The following CLDN16 variants were observed in gnomAD, a reference collection of about 807,000 sequenced individuals.
CLDN16 encodes the protein claudin-16.
Under a neutral mutation model 24.6 loss-of-function variants are expected in CLDN16, and 13 were observed. The ratio of observed to expected loss-of-function variants is 0.53; its 90% CI spans 0.34 to 0.84. The LOEUF is 0.84. Ranked by LOEUF, CLDN16 falls within the 40% of genes least tolerant of loss-of-function variation. The pLI, the probability that CLDN16 is intolerant of heterozygous loss-of-function variation, is 0.01. For missense variants in CLDN16, 298 were observed against 292.7 expected (o/e 1.02, Z -0.13); for synonymous variants, 116 against 106.7 (o/e 1.09, Z -0.54).
intron 3 of CLDN16, among the ~76,000 whole-genome samples, chr3:190,380,920 G>A (rs1718357742): frequency 6.6e-6 from 1 of 152,090 alleles, no homozygotes; most frequent in South Asian, 2.1e-4. Flanking sequence ...CTGATGCAAG[G>A]CAGGGTTCCC....
chr3:190,358,200 T>A (rs910603436), intron 1 of CLDN16, among the ~76,000 whole-genome samples: 1 of 151,770 alleles, frequency 6.6e-6, no homozygotes, highest in Non-Finnish European at 1.5e-5. Context: ...GGAGAAATGC[T>A]TTTTTTTCTT....
the CLDN16 span, among the ~76,000 whole-genome samples, chr3:190,299,539 AT>A: frequency 2.0e-5 from 3 of 149,360 alleles, no homozygotes; most frequent in Non-Finnish European, 4.5e-5. Context: ...ATTCTTCTGT[AT>A]TTTTTCTGAA....
the CLDN16 span, among the ~76,000 whole-genome samples, chr3:190,290,750 G>A: frequency 8.5e-5 from 13 of 152,300 alleles, no homozygotes; most frequent in Middle Eastern, 3.4e-3. Context: ...TTAGGGATAT[G>A]TGAAAGAAAA....
At chr3:190,291,033 A>C in the CLDN16 span, among the ~76,000 whole-genome samples, 1 of 152,134 alleles carries the variant, frequency 6.6e-6, no homozygotes, top group African/African-American at 2.4e-5. Context: ...GGTCTTGGGA[A>C]GCTTCTTGGA....
chr3:190,389,143 A>G (rs1718585179), intron 1 of CLDN16, among the ~76,000 whole-genome samples: 1 of 152,194 alleles, frequency 6.6e-6, no homozygotes, highest in Non-Finnish European at 1.5e-5. Flanking sequence ...AGAAGCTCAG[A>G]AAGAAGTAAT....
At chr3:190,393,506 TA>T (rs1277080591) in intron 1 of CLDN16, among the ~76,000 whole-genome samples, 2 of 152,194 alleles carry the variant, frequency 1.3e-5, no homozygotes, top group African/African-American at 2.4e-5. Context: ...TTGTGAGAAT[TA>T]AATGAGCTTG....
intron 1 of CLDN16, among the ~76,000 whole-genome samples, chr3:190,369,270 C>T (rs1006108258): frequency 3.3e-5 from 5 of 151,872 alleles, no homozygotes; most frequent in African/African-American, 7.2e-5. Flanking sequence ...TTTCACTGGC[C>T]CATTGTACCC....
intron 1 of CLDN16, among the ~76,000 whole-genome samples, chr3:190,395,583 T>G (rs1718797973): frequency 6.6e-6 from 1 of 152,062 alleles, no homozygotes; most frequent in Admixed American, 6.6e-5. Flanking sequence ...TATTAAAACT[T>G]TTGCGTCTTA....
At chr3:190,292,930 C>T in the CLDN16 span, among the ~76,000 whole-genome samples, 1 of 152,184 alleles carries the variant, frequency 6.6e-6, no homozygotes, top group Admixed American at 6.5e-5. Context: ...CTTCTGAGGC[C>T]TCCAAACTGT....
At chr3:190,373,054 C>T (rs1718175678) in intron 2 of CLDN16, among the ~76,000 whole-genome samples, 1 of 152,006 alleles carries the variant, frequency 6.6e-6, no homozygotes, top group Non-Finnish European at 1.5e-5. Flanking sequence ...CAGTCCCTGA[C>T]ATAGCCTACC....
intron 3 of CLDN16, among the ~76,000 whole-genome samples, chr3:190,377,541 T>G (rs2108651015): frequency 6.6e-6 from 1 of 152,136 alleles, no homozygotes; most frequent in East Asian, 1.9e-4. Flanking sequence ...TATTTTGAGA[T>G]TCTCTGTTTA....
At chr3:190,300,095 C>G in the CLDN16 span, among the ~76,000 whole-genome samples, 1 of 152,218 alleles carries the variant, frequency 6.6e-6, no homozygotes, top group African/African-American at 2.4e-5. Context: ...TCTGTACTTT[C>G]ATGTGACATT....
At chr3:190,313,109 A>G in the CLDN16 span, 3 of 1,546,928 alleles carry the variant, frequency 1.9e-6, no homozygotes, top group Non-Finnish European at 2.7e-6. Flanking sequence ...AAGACCAAGT[A>G]TATGTCACTG....
chr3:190,363,554 GTGTA>G lies in CLDN16; in HGVS notation n.122-7337_122-7334del, dbSNP rs1383626918. ...CCAGTTGCTGTGCGTGTGTGTGTGT[GTGTA>G]TATATATATATATATATATATATAT... On this transcript the variant is annotated intron_variant and non_coding_transcript_variant, in intron 1 of 4. Coordinates refer to the CLDN16 transcript ENST00000468220. Among the ~76,000 whole-genome samples, 498 of 81,348 alleles carry G rather than the reference GTGTA, an allele frequency of 6.1e-3. 23 individuals are homozygous for G. The highest frequency in any genetic ancestry group is 9.6e-3 in the Admixed American group (60 of 6,234). The allele number at this position is 81,348 out of a possible 152,430, so 53.4% of individuals were successfully genotyped here. A position where few individuals can be genotyped will look rare whatever the true frequency, so the allele number is the denominator to read the frequency against.
chr3:190,350,638 A>G (rs1233341205), intron 1 of CLDN16, among the ~76,000 whole-genome samples: 3 of 152,250 alleles, frequency 2.0e-5, no homozygotes, highest in East Asian at 3.9e-4. Flanking sequence ...AGCCATGAGA[A>G]TGCACCTTCC....
upstream of CLDN16, among the ~76,000 whole-genome samples, chr3:190,318,269 A>T (rs571609515): frequency 5.9e-5 from 9 of 152,332 alleles, no homozygotes; most frequent in South Asian, 1.9e-3. Context: ...TGTTTCTTCA[A>T]GAAATTTTCT....
the CLDN16 span, among the ~76,000 whole-genome samples, chr3:190,296,462 C>T: frequency 6.6e-6 from 1 of 151,582 alleles, no homozygotes; most frequent in African/African-American, 2.4e-5. Flanking sequence ...TCAGAAATAG[C>T]AAGGAGACTA....
intron 1 of CLDN16, among the ~76,000 whole-genome samples, chr3:190,331,262 A>T (rs1034632712): frequency 3.3e-5 from 5 of 152,316 alleles, no homozygotes; most frequent in African/African-American, 1.2e-4. Flanking sequence ...TACCGTTGAC[A>T]TTAATGGTGG....
intron 1 of CLDN16, among the ~76,000 whole-genome samples, chr3:190,396,326 T>G (rs977556497): frequency 1.3e-5 from 2 of 152,216 alleles, no homozygotes; most frequent in Non-Finnish European, 2.9e-5. Context: ...CAATGTAAGC[T>G]CTTCAGTCTA....
Sources: allele counts gnomAD v4.1 joint callset (sites outside exome capture counted in the v4.1 genomes callset), GRCh38; gene constraint gnomAD v4.1.1; transcripts MANE v1.5; gene names NCBI Gene and HGNC (gene_info 2026-07-23, HGNC 2026-07-21).